Variants in SFXN5 observed in about 807,000 individuals in gnomAD.
SFXN5 encodes the protein sideroflexin-5.
Under a neutral mutation model 50.2 loss-of-function variants are expected in SFXN5, and 43 were observed. That is an observed-to-expected ratio of 0.86 (90% CI 0.67 to 1.11). The LOEUF is 1.11. SFXN5 is among the 50% of genes least tolerant of loss of function. SFXN5 has a pLI of 0.00. For missense variants in SFXN5, 463 were observed against 454.1 expected (o/e 1.02, Z -0.18); for synonymous variants, 203 against 185.8 (o/e 1.09, Z -0.75).
At chr2:73,047,317 ATG>A (rs1243859648) in intron 2 of SFXN5, among the ~76,000 whole-genome samples, 2 of 80,036 alleles carry the variant, frequency 2.5e-5, no homozygotes, top group South Asian at 4.4e-4. Context: ...ATGTGTGTGT[ATG>A]TATATATATG....
intron 11 of SFXN5, 41 bp from the exon 12 acceptor site, chr2:72,968,574 C>T (rs767369469): frequency 6.3e-7 from 1 of 1,598,166 alleles, no homozygotes; most frequent in Non-Finnish European, 8.6e-7. Context: ...GGCCTGACAG[C>T]TGGTGACAGG....
chr2:72,971,671 A>C lies in SFXN5; in HGVS notation c.640T>G (p.Cys214Gly), dbSNP rs774593765. 1.4e-5 allele frequency: 22 copies of C among 1,613,810 alleles called. No individual in the cohort carries two copies. Among genetic ancestry groups the C allele is most frequent in the Non-Finnish European group, 1.6e-5 (19 of 1,179,784 alleles). Residue 214 changes from cysteine (C) to glycine (G), a missense_variant, in exon 11 of 14, where the codon TGC (cysteine) becomes GGC (glycine). Physicochemically the swap from Cys to Gly is radical, Grantham distance 159 (BLOSUM62 -3). Coordinates refer to ENST00000272433, the MANE Select transcript of SFXN5 (RefSeq NM_144579.3). ...CCGTACCGCATCAGGACCACATTGC[A>C]GATATTGGCACTGGCTGCAGAGAGA... ...PFPAVASANI[C>G]NVVLMRYGEL...
intron 1 of SFXN5, among the ~76,000 whole-genome samples, chr2:73,066,620 T>A (rs548637466): frequency 1.3e-5 from 2 of 151,980 alleles, no homozygotes; most frequent in Admixed American, 1.3e-4. Flanking sequence ...GTGGGACTTA[T>A]GGGATCCTGA....
At chr2:72,996,016 T>C (rs1673179029) in intron 9 of SFXN5, among the ~76,000 whole-genome samples, 1 of 152,202 alleles carries the variant, frequency 6.6e-6, no homozygotes, top group Admixed American at 6.5e-5. Flanking sequence ...TAAGTATTTA[T>C]GGGGCAGTGC....
intron 10 of SFXN5, among the ~76,000 whole-genome samples, chr2:72,972,442 T>C (rs1216416698): frequency 6.6e-6 from 1 of 152,238 alleles, no homozygotes; most frequent in East Asian, 1.9e-4. Context: ...GCTAGGCCCC[T>C]CTGCCATCTG....
At chr2:72,980,782 C>T (rs1160103444) in intron 10 of SFXN5, among the ~76,000 whole-genome samples, 1 of 152,170 alleles carries the variant, frequency 6.6e-6, no homozygotes, top group African/African-American at 2.4e-5. Flanking sequence ...CCCAAGCTAA[C>T]ACTCATAGCG....
chr2:73,056,084 G>C (rs1682078878), intron 2 of SFXN5, among the ~76,000 whole-genome samples: 1 of 152,196 alleles, frequency 6.6e-6, no homozygotes, highest in Non-Finnish European at 1.5e-5. Flanking sequence ...GCTGCAATGA[G>C]CTGAGAACAT....
chr2:72,995,628 TTTAA>T (rs1673133215), intron 9 of SFXN5, among the ~76,000 whole-genome samples: 1 of 152,088 alleles, frequency 6.6e-6, no homozygotes, highest in Non-Finnish European at 1.5e-5. Context: ...AGGGACTCGT[TTTAA>T]TTAATGCCAG....
In SFXN5 at chr2:72,945,305, C is replaced by T. The variant is rs544077694; in HGVS notation, c.946-206G>A. 1.3e-5 allele frequency among the ~76,000 whole-genome samples: 2 copies of T among 152,240 alleles called. No homozygotes were observed. The highest frequency in any genetic ancestry group is 1.3e-4 in the Admixed American group (2 of 15,306). ...GCCGCGGGGCTCACAGCATCCCTTC[C>T]AGCCCAGACCAGATCTCTTTCTTCT... On this transcript the variant is annotated intron_variant, in intron 13 of 13. Coordinates refer to ENST00000272433, the MANE Select transcript of SFXN5 (RefSeq NM_144579.3). The surrounding 1 kb of genome is among the most constrained non-coding windows in gnomAD (Gnocchi z 5.8).
At chr2:73,000,938 C>T (rs955092956) in intron 7 of SFXN5, among the ~76,000 whole-genome samples, 2 of 152,202 alleles carry the variant, frequency 1.3e-5, no homozygotes, top group East Asian at 1.9e-4. Context: ...ACACAGAGGC[C>T]GGCAGGAGTT....
intron 3 of SFXN5, among the ~76,000 whole-genome samples, chr2:73,036,690 A>C (rs1679023895): frequency 6.6e-6 from 1 of 151,906 alleles, no homozygotes; most frequent in Non-Finnish European, 1.5e-5. Flanking sequence ...CCTCAGCAAG[A>C]AAAGGGCAGA....
Position 72,992,981 on chromosome 2 carries a change from A to G in SFXN5, c.535-4633T>C, listed in dbSNP as rs1287251586. ...AAGGGGATGCCTGCCTGAGCCCTGA[A>G]TAGGAGGCTAGGAAGGGAGCAGGGC... On this transcript the variant is annotated intron_variant, in intron 9 of 13. Transcript: ENST00000272433. The surrounding 1 kb of genome is among the most constrained non-coding windows in gnomAD (Gnocchi z 4.5). 1.3e-5 allele frequency among the ~76,000 whole-genome samples: 2 copies of G among 152,122 alleles called. No homozygotes were observed. Among genetic ancestry groups the G allele is most frequent in the Non-Finnish European group, 2.9e-5 (2 of 68,018 alleles).
At chr2:73,020,130 T>A (rs1676674983) in intron 6 of SFXN5, 109 bp downstream of exon 6, 2 of 1,006,388 alleles carry the variant, frequency 2.0e-6, no homozygotes, top group Non-Finnish European at 3.0e-6. Context: ...CTCCAGGAAT[T>A]GACTTATCCT....
intron 6 of SFXN5, among the ~76,000 whole-genome samples, chr2:73,016,776 G>T (rs188064206): frequency 6.6e-6 from 1 of 152,206 alleles, no homozygotes; most frequent in East Asian, 1.9e-4. Flanking sequence ...TGTGCAAAAG[G>T]GTGTACGGAT....
chr2:72,993,635 T>C (rs1291571805), intron 9 of SFXN5, among the ~76,000 whole-genome samples: 1 of 152,186 alleles, frequency 6.6e-6, no homozygotes, highest in Non-Finnish European at 1.5e-5. Context: ...ATCTGCAGGC[T>C]TCTGAACACT....
At chr2:73,006,368 T>C (rs2105735532) in intron 6 of SFXN5, among the ~76,000 whole-genome samples, 1 of 152,268 alleles carries the variant, frequency 6.6e-6, no homozygotes, top group South Asian at 2.1e-4. Context: ...ACGCCTGCAA[T>C]CCCAGCACTT....
chr2:72,945,294 A>G lies in SFXN5; in HGVS notation c.946-195T>C, dbSNP rs1290654640. ...ACCGCCCTCCCGCCGCGGGGCTCAC[A>G]GCATCCCTTCCAGCCCAGACCAGAT... On this transcript the variant is annotated intron_variant, in intron 13 of 13. Coordinates refer to ENST00000272433, the MANE Select transcript of SFXN5 (RefSeq NM_144579.3). This position sits in a 1 kb window ranked among gnomAD's most constrained non-coding sequence, Gnocchi z 5.8. Among the ~76,000 whole-genome samples, 2 of 151,982 alleles carry G rather than the reference A, an allele frequency of 1.3e-5. No homozygotes were observed. Among genetic ancestry groups the G allele is most frequent in the Admixed American group, 6.5e-5 (1 of 15,270 alleles).
At chr2:73,003,239 G>A (rs1674161707) in intron 6 of SFXN5, among the ~76,000 whole-genome samples, 1 of 152,184 alleles carries the variant, frequency 6.6e-6, no homozygotes, top group Admixed American at 6.5e-5. Flanking sequence ...TAATAAGGCT[G>A]TTCACTGTTT....
chr2:72,957,409 C>A (rs1465502978), intron 13 of SFXN5, among the ~76,000 whole-genome samples: 2 of 152,230 alleles, frequency 1.3e-5, no homozygotes, highest in Admixed American at 1.3e-4. Flanking sequence ...ATAAAACTCT[C>A]CCCCAGGAAC....
Sources: allele counts gnomAD v4.1 joint callset (sites outside exome capture counted in the v4.1 genomes callset), GRCh38; gene constraint gnomAD v4.1.1; non-coding constraint Gnocchi (gnomAD v3.1); transcripts MANE v1.5; gene names NCBI Gene and HGNC (gene_info 2026-07-23, HGNC 2026-07-21).